MS4A3: variants seen among roughly 807,000 people sequenced by gnomAD.
MS4A3 encodes the protein membrane-spanning 4-domains subfamily A member 3.
In MS4A3, 18 loss-of-function variants were observed where a neutral mutation model predicts 24.7. The observed-to-expected ratio is 0.73, with a 90% confidence interval of 0.50 to 1.08. The LOEUF is 1.08. MS4A3 is among the 50% of genes least tolerant of loss of function. MS4A3 has a pLI of 0.00. For missense variants in MS4A3, 282 were observed against 251.7 expected (o/e 1.12, Z -0.82); for synonymous variants, 84 against 95.3 (o/e 0.88, Z 0.69).
intron 5 of MS4A3, among the ~76,000 whole-genome samples, chr11:60,067,925 G>A (rs560823672): frequency 1.1e-4 from 17 of 151,854 alleles, no homozygotes; most frequent in African/African-American, 3.9e-4. Flanking sequence ...GGTGGCAGGC[G>A]CCTGTAATCC....
intron 3 of MS4A3, among the ~76,000 whole-genome samples, chr11:60,063,042 C>T (rs1173917270): frequency 1.3e-5 from 2 of 152,182 alleles, no homozygotes. Context: ...AAGTGGTCCT[C>T]CCAGCTTGGC....
chr11:60,057,395 TTGTG>T (rs35408400), intron 1 of MS4A3, among the ~76,000 whole-genome samples: 6 of 150,672 alleles, frequency 4.0e-5, no homozygotes, highest in Admixed American at 2.0e-4. Context: ...TTCTCTGATT[TTGTG>T]TGTGTGTGTG....
chr11:60,066,866 A>G, intron 4 of MS4A3, 85 bp from the exon 5 acceptor site: 1 of 1,090,334 alleles, frequency 9.2e-7, no homozygotes, highest in East Asian at 2.7e-5. Flanking sequence ...AACAATATTC[A>G]ATCAATGTTT....
chr11:60,062,333 T>C, intron 2 of MS4A3, 135 bp from the exon 3 acceptor site: 2 of 1,055,636 alleles, frequency 1.9e-6, no homozygotes, highest in South Asian at 3.1e-5. Context: ...TAAGCTCTCG[T>C]TCTGTTAATT....
intron 3 of MS4A3, 154 bp downstream of exon 3, chr11:60,062,759 ACT>A (rs1361923682): frequency 1.8e-5 from 10 of 545,276 alleles, no homozygotes; most frequent in East Asian, 7.1e-5. Context: ...GAGACGATAA[ACT>A]CTTTTTTATT....
Position 60,070,358 on chromosome 11 carries a change from G to A in MS4A3, c.*125G>A, listed in dbSNP as rs1422011893. ...CGTAAAGCTCAATCCTTCTATCATG[G>A]CACCAATCACAAGAACCTTGGACGT... On this transcript the variant is annotated 3_prime_UTR_variant, in exon 7 of 7. Transcript: ENST00000278865. 1.4e-6 allele frequency: 1 copy of A among 730,182 alleles called. No homozygotes were observed. Among genetic ancestry groups the A allele is most frequent in the East Asian group, 2.7e-5 (1 of 37,404 alleles). The allele number at this position is 730,182 out of a possible 1,614,324, so 45.2% of individuals were successfully genotyped here. A position where few individuals can be genotyped will look rare whatever the true frequency, so the allele number is the denominator to read the frequency against.
At chr11:60,062,759 A>C in intron 3 of MS4A3, 154 bp downstream of exon 3, 1 of 545,394 alleles carries the variant, frequency 1.8e-6, no homozygotes, top group Non-Finnish European at 2.9e-6. Context: ...GAGACGATAA[A>C]CTCTTTTTTA....
chr11:60,064,434 C>A, intron 4 of MS4A3, 116 bp downstream of exon 4: 2 of 618,582 alleles, frequency 3.2e-6, no homozygotes, highest in Non-Finnish European at 2.6e-6. Flanking sequence ...ATTTAATGCA[C>A]AAAATATTAG....
chr11:60,068,867 C>G (rs997871525), intron 5 of MS4A3, among the ~76,000 whole-genome samples: 10 of 152,054 alleles, frequency 6.6e-5, no homozygotes, highest in Admixed American at 3.3e-4. Flanking sequence ...CCCCACCCCA[C>G]GACAGGCCCT....
At position 60,070,258 on chromosome 11, in the gene MS4A3, G is replaced by A. The variant is rs1392968903; in HGVS notation, c.*25G>A. ...ATCAAGAATACCTCCTTAATTCTGAGAGCATGAATATTTGACCTTAAATCT... is the reference window on the plus strand; with the variant it reads ...ATCAAGAATACCTCCTTAATTCTGAAAGCATGAATATTTGACCTTAAATCT... On this transcript the variant is annotated 3_prime_UTR_variant, in exon 7 of 7. Coordinates refer to ENST00000278865, the MANE Select transcript of MS4A3 (RefSeq NM_006138.5). 4 of 1,254,496 alleles carry A rather than the reference G, an allele frequency of 3.2e-6. No individual in the cohort carries two copies. The highest frequency in any genetic ancestry group is 3.1e-5 in the South Asian group (2 of 65,014). 77.7% of individuals were successfully genotyped at this position (1,254,496 alleles called of 1,614,324 possible). A position where few individuals can be genotyped will look rare whatever the true frequency, so the allele number is the denominator to read the frequency against.
chr11:60,058,982 AG>A (rs1163612376), intron 1 of MS4A3, among the ~76,000 whole-genome samples: 1 of 152,132 alleles, frequency 6.6e-6, no homozygotes, highest in African/African-American at 2.4e-5. Flanking sequence ...CGGGGGGTTA[AG>A]GGTTCCTTGT....
intron 1 of MS4A3, among the ~76,000 whole-genome samples, chr11:60,059,048 T>G (rs1231148935): frequency 6.6e-6 from 1 of 152,216 alleles, no homozygotes; most frequent in South Asian, 2.1e-4. Context: ...AATCTTGGCA[T>G]GAAAATCAAT....
chr11:60,060,926 G>A, intron 1 of MS4A3: 2 of 358,842 alleles, frequency 5.6e-6, no homozygotes, highest in Non-Finnish European at 9.9e-6. Context: ...AAAGTTAAGT[G>A]AAGCACCAAG....
chr11:60,068,965 T>A (rs571368198), intron 5 of MS4A3, among the ~76,000 whole-genome samples: 150 of 152,176 alleles, frequency 9.9e-4, no homozygotes, highest in South Asian at 2.5e-3. Flanking sequence ...GAAGTTTGTG[T>A]TCTCATTTTC....
intron 1 of MS4A3, 97 bp from the exon 2 acceptor site, chr11:60,061,049 G>A: frequency 9.5e-7 from 1 of 1,052,614 alleles, no homozygotes; most frequent in Non-Finnish European, 1.4e-6. Flanking sequence ...TCATTGTAAT[G>A]TATGGACAGA....
chr11:60,066,904 G>T, intron 4 of MS4A3, 47 bp from the exon 5 acceptor site: 1 of 1,393,400 alleles, frequency 7.2e-7, no homozygotes, highest in Non-Finnish European at 9.6e-7. Flanking sequence ...CCAAAGGAAT[G>T]AAGTACGTGC....
chr11:60,067,909 G>A (rs1289338248), intron 5 of MS4A3, among the ~76,000 whole-genome samples: 2 of 151,862 alleles, frequency 1.3e-5, no homozygotes, highest in East Asian at 4.0e-4. Flanking sequence ...AAAATTAGCC[G>A]GGCATGGTGG....
intron 1 of MS4A3, among the ~76,000 whole-genome samples, chr11:60,059,112 TAATA>T (rs1855226237): frequency 6.6e-6 from 1 of 152,216 alleles, no homozygotes; most frequent in Non-Finnish European, 1.5e-5. Context: ...ATGACATTTA[TAATA>T]AATGTTTTAT....
intron 5 of MS4A3, among the ~76,000 whole-genome samples, chr11:60,067,321 C>A (rs896971470): frequency 6.7e-6 from 1 of 150,268 alleles, no homozygotes; most frequent in African/African-American, 2.4e-5. Context: ...TCACAGCATT[C>A]TCCTGCCTCA....
Sources: allele counts gnomAD v4.1 joint callset (sites outside exome capture counted in the v4.1 genomes callset), GRCh38; gene constraint gnomAD v4.1.1; transcripts MANE v1.5; gene names NCBI Gene and HGNC (gene_info 2026-07-23, HGNC 2026-07-21).